Variants in DPH5 observed in about 807,000 individuals in gnomAD.
DPH5 encodes diphthamide biosynthesis 5.
Under a neutral mutation model 31.6 loss-of-function variants are expected in DPH5, and 31 were observed. The ratio of observed to expected loss-of-function variants is 0.98; its 90% CI spans 0.74 to 1.32. The LOEUF (loss-of-function observed/expected upper bound fraction) is 1.32, where lower values mean the gene tolerates loss of function less well. Ranked by LOEUF, DPH5 falls within the 40% of genes most tolerant of loss-of-function variation. The pLI, the probability that DPH5 is intolerant of heterozygous loss-of-function variation, is 0.00. For missense variants in DPH5, 309 were observed against 335.7 expected (o/e 0.92, Z 0.62); for synonymous variants, 120 against 115.0 (o/e 1.04, Z -0.28).
chr1:100,993,934 G>A (rs530410810), intron 6 of DPH5, among the ~76,000 whole-genome samples: 22 of 151,928 alleles, frequency 1.4e-4, no homozygotes, highest in Non-Finnish European at 2.1e-4. Context: ...AGTACAGACG[G>A]GGTTTCACCA....
rs755923864 is a variant in DPH5, at chr1:101,001,518, C to G, written c.439G>C (p.Asp147His). 2.5e-5 allele frequency: 41 copies of G among 1,612,802 alleles called. No individual in the cohort carries two copies. The highest frequency in any genetic ancestry group is 3.2e-5 in the Non-Finnish European group (38 of 1,179,166). ...TDTWRPESFF[D>H]KVKKNRQNGM... ...TTTTGTCTGTTCTTCTTCACTTTGT[C>G]AAAGAAGCTTTCTGGTCTCCAAGTG... Residue 147 changes from aspartate to histidine, a missense_variant, in exon 5 of 8, where the codon GAC becomes CAC. By Grantham distance (81) the Asp-to-His change is moderately conservative. Coordinates refer to ENST00000370109, the MANE Select transcript of DPH5 (RefSeq NM_015958.3).
chr1:101,015,454 G>A (rs1660008882), intron 3 of DPH5, among the ~76,000 whole-genome samples: 1 of 152,214 alleles, frequency 6.6e-6, no homozygotes, highest in South Asian at 2.1e-4. Context: ...GAACCATGCT[G>A]TAAACAGATG....
At chr1:101,014,388 G>T (rs774228858) in intron 3 of DPH5, among the ~76,000 whole-genome samples, 1 of 152,170 alleles carries the variant, frequency 6.6e-6, no homozygotes, top group African/African-American at 2.4e-5. Context: ...GTTTCTTAGT[G>T]CATATAAAAG....
At chr1:101,010,058 C>T (rs1204218831) in intron 4 of DPH5, among the ~76,000 whole-genome samples, 1 of 152,176 alleles carries the variant, frequency 6.6e-6, no homozygotes, top group East Asian at 1.9e-4. Context: ...CTTATGCTTA[C>T]CATTATCTAA....
At chr1:101,007,215 A>G (rs1384434521) in intron 4 of DPH5, among the ~76,000 whole-genome samples, 1 of 152,172 alleles carries the variant, frequency 6.6e-6, no homozygotes, top group East Asian at 1.9e-4. Context: ...GTAACTGTGG[A>G]TATCTCTAGG....
chr1:101,000,769 C>T (rs1489779279), intron 5 of DPH5, among the ~76,000 whole-genome samples: 4 of 152,282 alleles, frequency 2.6e-5, no homozygotes, highest in Admixed American at 6.5e-5. Flanking sequence ...AAATGTGAAT[C>T]GGTAAAATTT....
chr1:101,001,350 C>G, intron 5 of DPH5, 117 bp downstream of exon 5: 1 of 1,017,850 alleles, frequency 9.8e-7, no homozygotes. Flanking sequence ...CATAGAATGG[C>G]TAGACTGTGT....
At chr1:101,015,982 G>C (rs1213429072) in intron 3 of DPH5, among the ~76,000 whole-genome samples, 5 of 152,098 alleles carry the variant, frequency 3.3e-5, no homozygotes, top group Admixed American at 3.3e-4. Context: ...ACACTAAAAC[G>C]TTCTCCCTAT....
At chr1:101,023,206 A>G (rs974979197) in intron 2 of DPH5, 1 of 152,160 alleles carries the variant, frequency 6.6e-6, no homozygotes, top group African/African-American at 2.4e-5. Context: ...ATAAAAAAAC[A>G]TAATAAATAA....
At position 100,997,087 on chromosome 1, in the gene DPH5, A is replaced by T. The variant is rs145811690; in HGVS notation, c.491-1938T>A. Among the ~76,000 whole-genome samples the T allele has an allele frequency of 2.8e-3, 432 of 152,366 alleles. 2 individuals are homozygous for T. The highest frequency in any genetic ancestry group is 2.7e-3 in the Non-Finnish European group (187 of 68,040). ...AAAGCTAAGAAAAGGGGCAGCTCTTAGAAGGACAACTCAAGAGCCACATTT... is the reference window on the plus strand; with the variant it reads ...AAAGCTAAGAAAAGGGGCAGCTCTTTGAAGGACAACTCAAGAGCCACATTT... On this transcript the variant is annotated intron_variant, in intron 5 of 7. Coordinates refer to ENST00000370109, the MANE Select transcript of DPH5 (RefSeq NM_015958.3).
At chr1:101,008,875 G>A (rs1427585215) in intron 4 of DPH5, among the ~76,000 whole-genome samples, 5 of 152,028 alleles carry the variant, frequency 3.3e-5, no homozygotes, top group South Asian at 2.1e-4. Flanking sequence ...AAATTACCAC[G>A]CTGTGCAACC....
chr1:100,992,787 A>C (rs561194799), intron 6 of DPH5, 47 bp from the exon 7 acceptor site: 1 of 1,285,536 alleles, frequency 7.8e-7, no homozygotes, highest in Non-Finnish European at 1.1e-6. Flanking sequence ...ATGAAACTAC[A>C]TAATATGTTA....
intron 5 of DPH5, among the ~76,000 whole-genome samples, chr1:101,001,128 G>A (rs1658833467): frequency 6.6e-6 from 1 of 152,178 alleles, no homozygotes; most frequent in Non-Finnish European, 1.5e-5. Context: ...GATGCAGGAT[G>A]GTCCTTGGTA....
At chr1:101,010,454 T>C (rs1305008555) in intron 4 of DPH5, among the ~76,000 whole-genome samples, 1 of 152,230 alleles carries the variant, frequency 6.6e-6, no homozygotes, top group Admixed American at 6.5e-5. Context: ...TGTTGGCTAA[T>C]AAACTACAAA....
At chr1:101,004,195 G>A (rs1659063571) in intron 4 of DPH5, among the ~76,000 whole-genome samples, 1 of 152,186 alleles carries the variant, frequency 6.6e-6, no homozygotes, top group Admixed American at 6.5e-5. Context: ...TAGCTGTGGT[G>A]CAAACTTCTT....
rs11352737 is a variant in DPH5 at position 101,011,895 on chromosome 1, CTT to C, written c.369+1813_369+1814del. Among the ~76,000 whole-genome samples the C allele has an allele frequency of 7.1e-3, 770 of 108,098 alleles. 2 individuals carry two copies. Among genetic ancestry groups the C allele is most frequent in the African/African-American group, 0.023 (642 of 27,978 alleles). 70.9% of individuals were successfully genotyped at this position (108,098 alleles called of 152,430 possible). A position where few individuals can be genotyped will look rare whatever the true frequency, so the allele number is the denominator to read the frequency against. ...TTCTTTCTTCTAGCAATTATCAATTCTTTTTTTTTTTTTTTTTTTTTGAGATG... is the reference window on the plus strand; with the variant it reads ...TTCTTTCTTCTAGCAATTATCAATTCTTTTTTTTTTTTTTTTTTTGAGATG... On this transcript the variant is annotated intron_variant, in intron 4 of 7. Coordinates refer to ENST00000370109, the MANE Select transcript of DPH5 (RefSeq NM_015958.3).
intron 6 of DPH5, 110 bp downstream of exon 6, chr1:100,995,000 A>G (rs952668553): frequency 1.4e-6 from 1 of 732,714 alleles, no homozygotes; most frequent in Non-Finnish European, 2.4e-6. Flanking sequence ...TCACACTGTT[A>G]ATGAGAGCTC....
intron 4 of DPH5, among the ~76,000 whole-genome samples, chr1:101,007,221 C>G (rs544387447): frequency 6.6e-6 from 1 of 152,226 alleles, no homozygotes; most frequent in East Asian, 1.9e-4. Context: ...GTGGATATCT[C>G]TAGGTGGTGG....
At chr1:100,993,575 T>TATATATATATATATATATAC (rs1658024122) in intron 6 of DPH5, among the ~76,000 whole-genome samples, 1 of 88,296 alleles carries the variant, frequency 1.1e-5, no homozygotes, top group Non-Finnish European at 2.6e-5. Flanking sequence ...TATATATATA[T>TATATATATATATATATATAC]ATATATATAT....
Sources: allele counts gnomAD v4.1 joint callset (sites outside exome capture counted in the v4.1 genomes callset), GRCh38; gene constraint gnomAD v4.1.1; transcripts MANE v1.5; gene names NCBI Gene and HGNC (gene_info 2026-07-23, HGNC 2026-07-21).